Variants in LRP1B observed in about 807,000 individuals in gnomAD.
LRP1B encodes the protein low-density lipoprotein receptor-related protein 1B.
In LRP1B, 217 loss-of-function variants were observed where a neutral mutation model predicts 556.6. That is an observed-to-expected ratio of 0.39 (90% CI 0.35 to 0.44). The LOEUF is 0.44. Among genes scored for constraint, LRP1B ranks in the 20% least tolerant of loss-of-function variants. The pLI is 1.00. For synonymous variants in LRP1B, 2,047 were observed against 1,865.8 expected (o/e 1.10, Z -2.50); for missense variants, 5,053 against 5,620.8 (o/e 0.90, Z 3.23).
At chr2:141,605,123 G>A (rs115341306) in intron 2 of LRP1B, among the ~76,000 whole-genome samples, 2 of 151,964 alleles carry the variant, frequency 1.3e-5, no homozygotes, top group Non-Finnish European at 2.9e-5. Context: ...GAGCACATTC[G>A]ATTTGCTATA....
chr2:141,392,050 T>G (rs1234203449), intron 3 of LRP1B, among the ~76,000 whole-genome samples: 3 of 152,084 alleles, frequency 2.0e-5, no homozygotes, highest in Non-Finnish European at 4.4e-5. Context: ...GACCATGGTG[T>G]TTGATGCTAT....
rs1299399742 is a variant in LRP1B, at chr2:141,015,845, T to G, written c.2041A>C (p.Met681Leu). The change falls in exon 13 of 91, where the codon ATG becomes CTG. Residue 681 changes from methionine to leucine, a missense_variant. Met to Leu is a conservative substitution (Grantham distance 15, BLOSUM62 2). Coordinates refer to ENST00000389484, the MANE Select transcript of LRP1B (RefSeq NM_018557.3). ...DSVGRIEKAW[M>L]DGFNRQIFVT... ...AAAATCTGCCGATTGAATCCATCCATCCAGGCCTTCTCAATCCTTCCCACG... is the reference window on the plus strand; with the variant it reads ...AAAATCTGCCGATTGAATCCATCCAGCCAGGCCTTCTCAATCCTTCCCACG... 1 of 1,613,648 alleles carries G rather than the reference T, an allele frequency of 6.2e-7. No individual in the cohort carries two copies. The highest frequency in any genetic ancestry group is 1.1e-5 in the South Asian group (1 of 91,080).
intron 7 of LRP1B, among the ~76,000 whole-genome samples, chr2:141,160,140 T>G: frequency 6.6e-6 from 1 of 152,262 alleles, no homozygotes; most frequent in East Asian, 1.9e-4. Context: ...ATTTTAAAAA[T>G]ACATGGCAAT....
At chr2:141,813,187 C>T (rs1005306400) in intron 1 of LRP1B, among the ~76,000 whole-genome samples, 5 of 152,084 alleles carry the variant, frequency 3.3e-5, no homozygotes, top group Admixed American at 6.6e-5. Context: ...GGCCAGAATT[C>T]CTGTTATCAT....
intron 11 of LRP1B, among the ~76,000 whole-genome samples, chr2:141,029,009 G>A (rs925511683): frequency 1.3e-5 from 2 of 152,256 alleles, no homozygotes; most frequent in African/African-American, 2.4e-5. Flanking sequence ...GGCTGACTGA[G>A]GAGGTGGTCT....
At chr2:141,265,130 C>G (rs556988795) in intron 3 of LRP1B, among the ~76,000 whole-genome samples, 1 of 152,316 alleles carries the variant, frequency 6.6e-6, no homozygotes, top group African/African-American at 2.4e-5. Flanking sequence ...GCTGAAACCA[C>G]AAACAGGCTC....
intron 1 of LRP1B, among the ~76,000 whole-genome samples, chr2:141,955,351 A>C (rs930739602): frequency 2.0e-5 from 3 of 152,150 alleles, no homozygotes; most frequent in Non-Finnish European, 4.4e-5. Flanking sequence ...ATGGTAACAT[A>C]GTGTATGCAT....
In LRP1B at chr2:140,233,120, G is replaced by C. The variant is rs2104870142; in HGVS notation, c.*66C>G. On this transcript the variant is annotated 3_prime_UTR_variant, in exon 91 of 91. Transcript: ENST00000389484. Reference sequence around the variant, plus strand: ...CTGATGCCAAAACAAGTATAATACTGTTGGAACATACAAAAGTAATCCTTA... The same window carrying C: ...CTGATGCCAAAACAAGTATAATACTCTTGGAACATACAAAAGTAATCCTTA... 9.6e-7 allele frequency: 1 copy of C among 1,042,668 alleles called. No homozygotes were observed. Among genetic ancestry groups the C allele is most frequent in the East Asian group, 2.8e-5 (1 of 36,218 alleles). 64.6% of individuals were successfully genotyped at this position (1,042,668 alleles called of 1,614,324 possible). A position where few individuals can be genotyped will look rare whatever the true frequency, so the allele number is the denominator to read the frequency against.
chr2:141,318,372 G>C (rs1687106439), intron 3 of LRP1B, among the ~76,000 whole-genome samples: 1 of 152,006 alleles, frequency 6.6e-6, no homozygotes, highest in African/African-American at 2.4e-5. Flanking sequence ...GATTAAAGAA[G>C]GATCAATTTT....
At chr2:140,655,032 G>A (rs949146973) in intron 41 of LRP1B, among the ~76,000 whole-genome samples, 6 of 147,158 alleles carry the variant, frequency 4.1e-5, no homozygotes, top group African/African-American at 1.3e-4. Flanking sequence ...GTATATGTAT[G>A]TATATATATA....
chr2:141,942,197 A>C (rs184307559), intron 1 of LRP1B, among the ~76,000 whole-genome samples: 2 of 151,408 alleles, frequency 1.3e-5, no homozygotes, highest in East Asian at 3.9e-4. Flanking sequence ...CAACCTCCTC[A>C]CTCTCCGCCC....
intron 3 of LRP1B, among the ~76,000 whole-genome samples, chr2:141,354,806 G>A (rs989530777): frequency 6.6e-6 from 1 of 151,874 alleles, no homozygotes; most frequent in East Asian, 1.9e-4. Context: ...AATTTAAGTG[G>A]AGAGGGAATC....
rs115479765 is a variant in LRP1B, at chr2:141,191,587, G to A, written c.851-3004C>T. On this transcript the variant is annotated intron_variant, in intron 6 of 90. Transcript: ENST00000389484. ...AGAAGATACTGCAATTAATTGGATA[G>A]AGATTTTCAGGCTATTGATACTAGT... Among the ~76,000 whole-genome samples the A allele has an allele frequency of 3.7e-3, 555 of 151,962 alleles. 2 individuals are homozygous for A. Among genetic ancestry groups the A allele is most frequent in the Admixed American group, 7.0e-3 (106 of 15,226 alleles).
chr2:141,019,208 A>G (rs1697996661), intron 12 of LRP1B, among the ~76,000 whole-genome samples: 2 of 152,126 alleles, frequency 1.3e-5, no homozygotes, highest in South Asian at 4.1e-4. Context: ...CAAGAATTGG[A>G]CAAAATATTT....
At chr2:141,812,856 T>C (rs1275961942) in intron 1 of LRP1B, among the ~76,000 whole-genome samples, 1 of 151,934 alleles carries the variant, frequency 6.6e-6, no homozygotes, top group Admixed American at 6.6e-5. Flanking sequence ...GGTGACTAAA[T>C]ATTTGAAAGG....
chr2:140,269,370 C>T (rs1186087318), intron 86 of LRP1B: 1 of 470,430 alleles, frequency 2.1e-6, no homozygotes, highest in Non-Finnish European at 4.4e-6. Flanking sequence ...ACTTTTAAAC[C>T]CCACAGAGCA....
chr2:141,697,663 C>G (rs927896421), intron 2 of LRP1B, among the ~76,000 whole-genome samples: 2 of 151,868 alleles, frequency 1.3e-5, no homozygotes, highest in African/African-American at 2.4e-5. Context: ...TTTGGTAATG[C>G]TGCATGTAGT....
chr2:140,834,384 C>T (rs747601749), intron 31 of LRP1B, among the ~76,000 whole-genome samples: 10 of 152,064 alleles, frequency 6.6e-5, no homozygotes, highest in Admixed American at 2.6e-4. Flanking sequence ...GGACTACAGG[C>T]GCATGCCATC....
intron 20 of LRP1B, among the ~76,000 whole-genome samples, chr2:140,926,701 T>C (rs6732847): frequency 0.59 from 88,998 of 151,972 alleles, 27,983 homozygotes; most frequent in Non-Finnish European, 0.68. Flanking sequence ...ATTGGGTCTA[T>C]ATATTCGGGA....
Sources: allele counts gnomAD v4.1 joint callset (sites outside exome capture counted in the v4.1 genomes callset), GRCh38; gene constraint gnomAD v4.1.1; transcripts MANE v1.5; gene names NCBI Gene and HGNC (gene_info 2026-07-23, HGNC 2026-07-21).